The following SLC15A1 variants were observed in gnomAD, a reference collection of about 807,000 sequenced individuals.
The protein encoded by SLC15A1 is Caco-2 oligopeptide transporter.
In SLC15A1, 83 loss-of-function variants were observed where a neutral mutation model predicts 92.9. That is an observed-to-expected ratio of 0.89 (90% CI 0.75 to 1.07). The LOEUF (loss-of-function observed/expected upper bound fraction) is 1.07. Ranked by LOEUF, SLC15A1 falls within the 50% of genes least tolerant of loss-of-function variation. The pLI, the probability that SLC15A1 is intolerant of heterozygous loss-of-function variation, is 0.00. For synonymous variants in SLC15A1, 322 were observed against 318.2 expected (o/e 1.01, Z -0.13); for missense variants, 857 against 880.1 (o/e 0.97, Z 0.33).
rs1458163951 is a variant in SLC15A1 at position 98,723,799 on chromosome 13, A to G, written c.365+113T>C. The G allele has an allele frequency of 3.5e-6, 5 of 1,441,420 alleles. No individual in the cohort carries two copies. In the Admixed American group the frequency reaches 8.2e-5, roughly 24 times the overall value. The allele number at this position is 1,441,420 out of a possible 1,614,324, so 89.3% of individuals were successfully genotyped here. The stretch of plus-strand genomic sequence containing the variant: ...GCCTTCTCCATGCTGCCCAAGGGGG[A>G]GGAAAAACCTCCTTATGCTCTCAGT... On this transcript the variant is annotated intron_variant, in intron 5 of 22. Transcript: ENST00000376503.
At chr13:98,707,472 T>C (rs1218224175) in intron 15 of SLC15A1, among the ~76,000 whole-genome samples, 3 of 152,054 alleles carry the variant, frequency 2.0e-5, no homozygotes, top group Admixed American at 6.5e-5. Context: ...GAAAGTAGAA[T>C]GGGGGTTGAT....
rs374120120 is a variant in SLC15A1, at chr13:98,723,685, G to A, written c.365+227C>T. 5.1e-4 allele frequency among the ~76,000 whole-genome samples: 78 copies of A among 152,256 alleles called. No individual in the cohort carries two copies. In the South Asian group the frequency reaches 5.8e-3, roughly 11 times the overall value. On this transcript the variant is annotated intron_variant, in intron 5 of 22. Transcript: ENST00000376503. ...TGTACTTCACATGGGATATGATGGCGCATGACAGCTGAGCCTCAGAGTGAG... is the reference window on the plus strand; with the variant it reads ...TGTACTTCACATGGGATATGATGGCACATGACAGCTGAGCCTCAGAGTGAG...
intron 9 of SLC15A1, among the ~76,000 whole-genome samples, chr13:98,714,270 G>A (rs2139584856): frequency 6.6e-6 from 1 of 152,238 alleles, no homozygotes; most frequent in East Asian, 1.9e-4. Context: ...CAGTTCTAAT[G>A]TGAGAAGAAA....
chr13:98,746,928 T>C (rs117362985), intron 1 of SLC15A1, among the ~76,000 whole-genome samples: 2,620 of 152,296 alleles, frequency 0.017, 33 homozygotes, highest in Middle Eastern at 0.065. Flanking sequence ...GCCCCGTGGC[T>C]GTGGCACTTC....
chr13:98,689,099 C>T (rs2087955618), intron 18 of SLC15A1, among the ~76,000 whole-genome samples: 1 of 152,168 alleles, frequency 6.6e-6, no homozygotes, highest in South Asian at 2.1e-4. Flanking sequence ...ACCACCACAC[C>T]CGGCTCATTT....
At chr13:98,697,878 G>A (rs2088035937) in intron 18 of SLC15A1, among the ~76,000 whole-genome samples, 1 of 152,206 alleles carries the variant, frequency 6.6e-6, no homozygotes, top group African/African-American at 2.4e-5. Context: ...TACCAGGATA[G>A]TGGTTCAGCA....
Position 98,683,815 on chromosome 13 carries a change from T to C in SLC15A1, c.*909A>G, listed in dbSNP as rs1381007740. 2 of 152,216 alleles carry C rather than the reference T, an allele frequency of 1.3e-5. No homozygotes were observed. Among genetic ancestry groups the C allele is most frequent in the Non-Finnish European group, 2.9e-5 (2 of 68,034 alleles). 9.4% of individuals were successfully genotyped at this position (152,216 alleles called of 1,614,324 possible). ...AACACTTAGGCTTAAGAACAGAAATTTATTTCACACCATTGAAACTTCAAA... is the reference window on the plus strand; with the variant it reads ...AACACTTAGGCTTAAGAACAGAAATCTATTTCACACCATTGAAACTTCAAA... On this transcript the variant is annotated 3_prime_UTR_variant, in exon 23 of 23. Transcript: ENST00000376503.
intron 1 of SLC15A1, among the ~76,000 whole-genome samples, chr13:98,742,385 C>T (rs763194723): frequency 6.6e-6 from 1 of 152,204 alleles, no homozygotes; most frequent in Non-Finnish European, 1.5e-5. Flanking sequence ...CGCCATCTGT[C>T]GTGTGCTGGA....
chr13:98,744,641 C>G (rs907875247), intron 1 of SLC15A1, among the ~76,000 whole-genome samples: 3 of 146,730 alleles, frequency 2.0e-5, no homozygotes, highest in African/African-American at 7.6e-5. Flanking sequence ...CCCAGCTACT[C>G]GGGAGGCTGA....
At chr13:98,700,615 G>A in intron 18 of SLC15A1, among the ~76,000 whole-genome samples, 1 of 151,408 alleles carries the variant, frequency 6.6e-6, no homozygotes, top group East Asian at 1.9e-4. Flanking sequence ...AGTCACAAGA[G>A]TTTATGTTTC....
At chr13:98,687,999 T>C (rs539573619) in intron 20 of SLC15A1, among the ~76,000 whole-genome samples, 2 of 152,340 alleles carry the variant, frequency 1.3e-5, no homozygotes, top group African/African-American at 4.8e-5. Flanking sequence ...TCCATGTTAA[T>C]AGTCTAGAAG....
chr13:98,695,495 T>G (rs1312624818), intron 18 of SLC15A1, among the ~76,000 whole-genome samples: 1 of 152,102 alleles, frequency 6.6e-6, no homozygotes, highest in Non-Finnish European at 1.5e-5. Context: ...CAGGTTCAAG[T>G]GATTCTCTTG....
chr13:98,715,881 G>C lies in SLC15A1; in HGVS notation c.720C>G (p.Ile240Met), dbSNP rs770731724. 4 of 1,613,594 alleles carry C rather than the reference G, an allele frequency of 2.5e-6. No homozygotes were observed. The African/African-American group carries it at 5.3e-5, about 22-fold the overall frequency. ...AAAGAGCAGCTGAGATACTTACACC[G>C]ATGCACTTGGCCACTTTACCCATGA... is the stretch of plus-strand genomic sequence containing the variant. ...GNIMGKVAKC[I>M]GFAIKNRFRH... The change falls in exon 9 of 23, where the codon ATC becomes ATG. Residue 240 changes from isoleucine to methionine, a missense_variant. By Grantham distance (10) the Ile-to-Met change is conservative. Transcript: ENST00000376503.
intron 18 of SLC15A1, among the ~76,000 whole-genome samples, chr13:98,691,418 G>A (rs1225187877): frequency 1.3e-5 from 2 of 152,172 alleles, no homozygotes; most frequent in African/African-American, 4.8e-5. Context: ...GGATTTATTT[G>A]TACGCTTTCT....
At chr13:98,736,320 C>T (rs1251577288) in intron 1 of SLC15A1, among the ~76,000 whole-genome samples, 2 of 152,188 alleles carry the variant, frequency 1.3e-5, no homozygotes, top group African/African-American at 4.8e-5. Context: ...CCCTTCCTTA[C>T]ACCTTATACA....
chr13:98,720,922 G>T (rs2088252187), intron 7 of SLC15A1: 1 of 351,940 alleles, frequency 2.8e-6, no homozygotes, highest in South Asian at 2.2e-5. Flanking sequence ...CATGGTGGCA[G>T]GCGCCTGTTG....
intron 22 of SLC15A1, 53 bp from the exon 23 acceptor site, chr13:98,684,968 A>G: frequency 6.9e-7 from 1 of 1,440,398 alleles, no homozygotes. Context: ...AAAACAGGTC[A>G]TACTGATGAA....
Position 98,702,511 on chromosome 13 carries a change from G to A in SLC15A1, c.1435C>T (p.Gln479Ter). 1 of 1,608,302 alleles carries A rather than the reference G, an allele frequency of 6.2e-7. No homozygotes were observed. Among genetic ancestry groups the A allele is most frequent in the Non-Finnish European group, 8.5e-7 (1 of 1,175,078 alleles). ...HYQVVKDGLN[Q>*]KPEKGENGIR... ...CCATTTTCCCCTTTTTCTGGCTTCT[G>A]GTTAAGACCATCCTTTACCTGAGAG... Residue 479 changes from glutamine to a stop codon, truncating the protein, a stop_gained, in exon 18 of 23, where the codon CAG becomes TAG. Transcript: ENST00000376503. LOFTEE classifies it high-confidence loss of function.
chr13:98,691,396 C>A (rs1388045064), intron 18 of SLC15A1, among the ~76,000 whole-genome samples: 1 of 152,222 alleles, frequency 6.6e-6, no homozygotes, highest in African/African-American at 2.4e-5. Flanking sequence ...CTTTTATCAG[C>A]TGATGGACAT....
Sources: gnomAD v4.1 joint callset for allele counts (sites outside exome capture counted in the v4.1 genomes callset) on GRCh38, gnomAD v4.1.1 for gene constraint, MANE v1.5 for transcripts, NCBI Gene and HGNC (gene_info 2026-07-23, HGNC 2026-07-21) for gene names.